GALNTL6: variants seen among roughly 807,000 people sequenced by gnomAD.
GALNTL6 encodes the protein polypeptide N-acetylgalactosaminyltransferase-like 6.
In GALNTL6, 46 loss-of-function variants were observed where a neutral mutation model predicts 73.7. The ratio of observed to expected loss-of-function variants is 0.62; its 90% CI spans 0.49 to 0.80. GALNTL6 has a LOEUF of 0.80. GALNTL6 is among the 30% of genes least tolerant of loss of function. The pLI is 0.00. For missense variants in GALNTL6, 604 were observed against 755.0 expected, an observed-to-expected ratio of 0.80 and a Z score of 2.34; for synonymous variants, 259 against 263.7, an observed-to-expected ratio of 0.98 and a Z score of 0.17.
chr4:172,765,485 G>A (rs2110842351), intron 5 of GALNTL6, among the ~76,000 whole-genome samples: 1 of 152,220 alleles, frequency 6.6e-6, no homozygotes, highest in Non-Finnish European at 1.5e-5. Flanking sequence ...CACTTATGGA[G>A]AACACAGAGC....
At position 172,038,890 on chromosome 4, in the gene GALNTL6, A is replaced by G. The variant is rs141591107; in HGVS notation, c.139-190766A>G. Reference sequence around the variant, plus strand: ...TTCATAGAAGAAGTAGCTGGCCCTGAAAACATTGGCATTGGCACTGTCCAA... The same window carrying G: ...TTCATAGAAGAAGTAGCTGGCCCTGGAAACATTGGCATTGGCACTGTCCAA... On this transcript the variant is annotated intron_variant, in intron 2 of 12. Transcript: ENST00000506823. Among the ~76,000 whole-genome samples, 517 of 152,356 alleles carry G rather than the reference A, an allele frequency of 3.4e-3. 1 individual carries two copies. The highest frequency in any genetic ancestry group is 0.011 in the South Asian group (54 of 4,830).
At chr4:172,331,803 AT>A (rs1561029865) in intron 4 of GALNTL6, among the ~76,000 whole-genome samples, 1 of 152,162 alleles carries the variant, frequency 6.6e-6, no homozygotes, top group Non-Finnish European at 1.5e-5. Context: ...GGTTTCTTCC[AT>A]ACTTTAGCTG....
chr4:171,945,464 T>C (rs1738675988), intron 2 of GALNTL6, among the ~76,000 whole-genome samples: 1 of 152,112 alleles, frequency 6.6e-6, no homozygotes, highest in Non-Finnish European at 1.5e-5. Context: ...ATACACACAT[T>C]TGTCATGACT....
chr4:171,820,243 C>T (rs1453703636), intron 2 of GALNTL6, among the ~76,000 whole-genome samples: 1 of 152,108 alleles, frequency 6.6e-6, no homozygotes, highest in East Asian at 1.9e-4. Context: ...TGATGTCTGT[C>T]ACTGCTTAAC....
chr4:172,578,946 A>C (rs1423986871), intron 5 of GALNTL6, among the ~76,000 whole-genome samples: 1 of 152,208 alleles, frequency 6.6e-6, no homozygotes, highest in Non-Finnish European at 1.5e-5. Context: ...AATGGTTCAC[A>C]GACCCACATT....
chr4:172,952,307 C>T, intron 10 of GALNTL6, 49 bp downstream of exon 10: 1 of 1,359,058 alleles, frequency 7.4e-7, no homozygotes, highest in Non-Finnish European at 1.0e-6. Context: ...GACTGTGTGC[C>T]TCCCCCATAG....
chr4:172,664,054 G>A (rs985018448), intron 5 of GALNTL6, among the ~76,000 whole-genome samples: 1 of 152,048 alleles, frequency 6.6e-6, no homozygotes, highest in African/African-American at 2.4e-5. Flanking sequence ...ATTCAGAAAA[G>A]GGAAGAATAT....
intron 5 of GALNTL6, among the ~76,000 whole-genome samples, chr4:172,679,006 A>T (rs537920491): frequency 6.6e-6 from 1 of 152,286 alleles, no homozygotes; most frequent in South Asian, 2.1e-4. Context: ...TATAAAATGA[A>T]TGGGCATGGC....
chr4:171,987,812 A>G (rs550912985), intron 2 of GALNTL6, among the ~76,000 whole-genome samples: 1 of 152,142 alleles, frequency 6.6e-6, no homozygotes, highest in Non-Finnish European at 1.5e-5. Context: ...GGTGAGGAAC[A>G]GGAAAGAAGG....
chr4:171,864,745 C>T (rs1735927302), intron 2 of GALNTL6, among the ~76,000 whole-genome samples: 1 of 152,176 alleles, frequency 6.6e-6, no homozygotes. Context: ...GTGCCACTTC[C>T]TCCTGCTAGA....
At chr4:171,961,482 A>G (rs1739216674) in intron 2 of GALNTL6, among the ~76,000 whole-genome samples, 1 of 152,216 alleles carries the variant, frequency 6.6e-6, no homozygotes, top group Non-Finnish European at 1.5e-5. Context: ...ACAAAGTTCC[A>G]TCAACACCAA....
intron 7 of GALNTL6, among the ~76,000 whole-genome samples, chr4:172,816,195 G>A (rs1158912300): frequency 6.6e-6 from 1 of 152,124 alleles, no homozygotes; most frequent in Admixed American, 6.6e-5. Context: ...TAGGAAGAAG[G>A]GAAACAAAGA....
chr4:172,123,216 C>A (rs1314721447), intron 2 of GALNTL6, among the ~76,000 whole-genome samples: 1 of 152,120 alleles, frequency 6.6e-6, no homozygotes, highest in Non-Finnish European at 1.5e-5. Context: ...CCAGTTAAGG[C>A]TTTGTTTTAT....
intron 2 of GALNTL6, among the ~76,000 whole-genome samples, chr4:172,185,078 A>G (rs1735377643): frequency 1.3e-5 from 2 of 152,236 alleles, no homozygotes; most frequent in Admixed American, 6.5e-5. Context: ...GTCAGCAATA[A>G]GAATCAACCA....
intron 2 of GALNTL6, among the ~76,000 whole-genome samples, chr4:172,212,480 C>T (rs1360509595): frequency 6.6e-6 from 1 of 152,046 alleles, no homozygotes; most frequent in Non-Finnish European, 1.5e-5. Flanking sequence ...TTCTAATTAG[C>T]ATACATTAAG....
At chr4:172,845,947 C>G (rs924936941) in intron 7 of GALNTL6, among the ~76,000 whole-genome samples, 2 of 152,130 alleles carry the variant, frequency 1.3e-5, no homozygotes, top group African/African-American at 4.8e-5. Flanking sequence ...AATATAAGTT[C>G]TATCCTAATG....
intron 5 of GALNTL6, among the ~76,000 whole-genome samples, chr4:172,538,391 C>G (rs1735426464): frequency 6.6e-6 from 1 of 152,020 alleles, no homozygotes; most frequent in African/African-American, 2.4e-5. Context: ...ACCCAGGAAG[C>G]AGAGCTTGCA....
At chr4:172,018,670 T>C (rs1741293466) in intron 2 of GALNTL6, among the ~76,000 whole-genome samples, 1 of 152,078 alleles carries the variant, frequency 6.6e-6, no homozygotes. Context: ...TTAGGCCACA[T>C]CTCTCCCAAT....
intron 3 of GALNTL6, among the ~76,000 whole-genome samples, chr4:172,256,421 T>A (rs1294529552): frequency 1.3e-5 from 2 of 151,514 alleles, no homozygotes; most frequent in Non-Finnish European, 3.0e-5. Context: ...TAGCTCAAAC[T>A]ATGTTAGTTC....
Sources: allele counts gnomAD v4.1 joint callset (sites outside exome capture counted in the v4.1 genomes callset), GRCh38; gene constraint gnomAD v4.1.1; transcripts MANE v1.5; gene names NCBI Gene and HGNC (gene_info 2026-07-23, HGNC 2026-07-21).